Variants in CAPN2 observed in about 807,000 individuals in gnomAD.
The protein encoded by CAPN2 is calpain 2.
CAPN2 carries 92 observed loss-of-function variants against 102.3 expected under a neutral mutation model. That is an observed-to-expected ratio of 0.90 (90% CI 0.76 to 1.07). The LOEUF (loss-of-function observed/expected upper bound fraction) is 1.07, where lower values mean the gene tolerates loss of function less well. Ranked by LOEUF, CAPN2 falls within the 50% of genes least tolerant of loss-of-function variation. The probability of loss-of-function intolerance (pLI) is 0.00; values close to 1 mark genes in which losing one functional copy is unlikely to be tolerated. For missense variants in CAPN2, 800 were observed against 909.4 expected (o/e 0.88, Z 1.55); for synonymous variants, 340 against 355.4 (o/e 0.96, Z 0.49).
chr1:223,727,847 G>C lies in CAPN2; in HGVS notation c.307+10016G>C, dbSNP rs1408837613. On this transcript the variant is annotated intron_variant, in intron 2 of 20. Coordinates refer to ENST00000295006, the MANE Select transcript of CAPN2 (RefSeq NM_001748.5). The surrounding 1 kb of genome is among the most constrained non-coding windows in gnomAD (Gnocchi z 4.1). ...CTGCTTCTTGGAGAATGGTTCCACT[G>C]GCAGGCCATTCCGTCTGCTCAGCTT... Among the ~76,000 whole-genome samples, 1 of 152,134 alleles carries C rather than the reference G, an allele frequency of 6.6e-6. No homozygotes were observed. Among genetic ancestry groups the C allele is most frequent in the East Asian group, 1.9e-4 (1 of 5,178 alleles).
Position 223,755,046 on chromosome 1 carries a change from C to T in CAPN2, c.1136-434C>T, listed in dbSNP as rs1024980165. The stretch of plus-strand genomic sequence containing the variant: ...AATTTAGGTTCCTGTTAGATTCAGA[C>T]AAGTGCAGGTCATCCTCTCTCCACA... On this transcript the variant is annotated intron_variant, in intron 9 of 20. Transcript: ENST00000295006. The surrounding 1 kb of genome is among the most constrained non-coding windows in gnomAD (Gnocchi z 4.1). Among the ~76,000 whole-genome samples, 42 of 152,284 alleles carry T rather than the reference C, an allele frequency of 2.8e-4. No individual in the cohort carries two copies. Among genetic ancestry groups the T allele is most frequent in the African/African-American group, 1.0e-3 (42 of 41,554 alleles).
At chr1:223,772,084 A>T in intron 19 of CAPN2, 97 bp from the exon 20 acceptor site, 1 of 1,217,254 alleles carries the variant, frequency 8.2e-7, no homozygotes, top group Admixed American at 1.7e-5. Flanking sequence ...GAAAGCATGT[A>T]TGGTGGTCAG....
chr1:223,762,014 C>T (rs201217922), intron 13 of CAPN2, among the ~76,000 whole-genome samples, 172 bp from the exon 14 acceptor site: 90 of 151,958 alleles, frequency 5.9e-4, no homozygotes, highest in African/African-American at 1.8e-3. Flanking sequence ...AAAAAAAAAC[C>T]TTATATTAAT....
chr1:223,735,219 A>G (rs1201664507), intron 2 of CAPN2, among the ~76,000 whole-genome samples: 19 of 152,168 alleles, frequency 1.2e-4, no homozygotes, highest in Admixed American at 1.2e-3. Context: ...TTAAGTGGCC[A>G]GATCAGGACC....
chr1:223,757,233 A>G (rs1226249283), intron 10 of CAPN2, 136 bp from the exon 11 acceptor site: 1 of 978,220 alleles, frequency 1.0e-6, no homozygotes, highest in African/African-American at 1.6e-5. Context: ...GTTCCTTGGA[A>G]AACAGTTACT....
At chr1:223,738,584 TG>T (rs2102790909) in intron 2 of CAPN2, among the ~76,000 whole-genome samples, 1 of 152,262 alleles carries the variant, frequency 6.6e-6, no homozygotes, top group South Asian at 2.1e-4. Flanking sequence ...TTTTTTTAAA[TG>T]GGGTAAATGA....
intron 16 of CAPN2, 63 bp downstream of exon 16, chr1:223,766,494 A>G: frequency 6.5e-6 from 8 of 1,227,784 alleles, no homozygotes; most frequent in Non-Finnish European, 7.2e-6. Context: ...CTCCAGAAAG[A>G]TTCAAACACA....
At position 223,745,368 on chromosome 1, in the gene CAPN2, G is replaced by A. The variant is rs1222806004; in HGVS notation, c.489G>A (p.Gly163=). ...VVDDRLPTKD[G]ELLFVHSAEG... ...ATGACAGGCTGCCCACCAAGGACGG[G>A]GAGCTGCTCTTTGTGCATTCAGCCG... The change falls in exon 4 of 21, where the codon GGG becomes GGA. Residue 163 remains glycine (G), a synonymous_variant. Coordinates refer to ENST00000295006, the MANE Select transcript of CAPN2 (RefSeq NM_001748.5). 2 of 1,614,216 alleles carry A rather than the reference G, an allele frequency of 1.2e-6. No homozygotes were observed. The highest frequency in any genetic ancestry group is 1.7e-5 in the Admixed American group (1 of 60,032).
At chr1:223,758,844 C>T (rs1027964263) in intron 11 of CAPN2, 4 of 251,328 alleles carry the variant, frequency 1.6e-5, no homozygotes, top group South Asian at 1.0e-4. Context: ...AGGCGCTTGC[C>T]GCCACCCCTG....
chr1:223,771,919 C>CCAAA lies in CAPN2; in HGVS notation c.2014_2015insCAAA (p.Leu672ProfsTer7), dbSNP rs755672572. ...TCGGTGTTTGGTTCGGCTGGAAACG[C>CCAAA]TATTCAGTAAGTGGATATTTGGGGA... On this transcript the variant is annotated frameshift_variant, in exon 19 of 21. Coordinates refer to ENST00000295006, the MANE Select transcript of CAPN2 (RefSeq NM_001748.5). LOFTEE classifies it high-confidence loss of function. The CCAAA allele has an allele frequency of 4.4e-6, 7 of 1,605,798 alleles. No individual in the cohort carries two copies. Among genetic ancestry groups the CCAAA allele is most frequent in the Non-Finnish European group, 6.0e-6 (7 of 1,172,504 alleles).
At chr1:223,723,784 T>A (rs575492561) in intron 2 of CAPN2, among the ~76,000 whole-genome samples, 165 of 151,760 alleles carry the variant, frequency 1.1e-3, no homozygotes, top group African/African-American at 3.8e-3. Flanking sequence ...CTACATCAGA[T>A]GCCTGAAGAA....
At chr1:223,733,027 C>T (rs988677227) in intron 2 of CAPN2, among the ~76,000 whole-genome samples, 1 of 152,144 alleles carries the variant, frequency 6.6e-6, no homozygotes, top group African/African-American at 2.4e-5. Flanking sequence ...TGGTATCCAG[C>T]GTGTTTTACT....
chr1:223,749,204 C>CCCG, intron 6 of CAPN2, 82 bp downstream of exon 6: 1 of 1,231,316 alleles, frequency 8.1e-7, no homozygotes, highest in Non-Finnish European at 1.2e-6. Flanking sequence ...TGCCCAGGGG[C>CCCG]CCGCGCGGCC....
chr1:223,702,428 A>G (rs1483673384), intron 1 of CAPN2, among the ~76,000 whole-genome samples: 1 of 152,162 alleles, frequency 6.6e-6, no homozygotes, highest in African/African-American at 2.4e-5. Context: ...CCCTGTCTAA[A>G]AAAACAAAAA....
intron 7 of CAPN2, 139 bp from the exon 8 acceptor site, chr1:223,751,858 A>AT: frequency 1.5e-6 from 1 of 649,460 alleles, no homozygotes; most frequent in Non-Finnish European, 2.8e-6. Flanking sequence ...TGCAGCTGTT[A>AT]GCCAGATGTG....
chr1:223,744,126 G>T lies in CAPN2; in HGVS notation c.334G>T (p.Ala112Ser). The T allele has an allele frequency of 6.2e-7, 1 of 1,614,020 alleles. No individual in the cohort carries two copies. The highest frequency in any genetic ancestry group is 8.5e-7 in the Non-Finnish European group (1 of 1,179,872). Residue 112 changes from alanine to serine, a missense_variant, in exon 3 of 21, where the codon GCC becomes TCC. Ala to Ser is a moderately conservative substitution (Grantham distance 99). Transcript: ENST00000295006. The stretch of plus-strand genomic sequence containing the variant: ...TGACTGCTGGCTGCTGGCAGCCATT[G>T]CCTCCCTCACCTTGAATGAAGAAAT... ...LGDCWLLAAI[A>S]SLTLNEEILA... is the part of the protein sequence containing the mutation.
rs1007157069 is a variant in CAPN2 at position 223,725,209 on chromosome 1, A to C, written c.307+7378A>C. Among the ~76,000 whole-genome samples the C allele has an allele frequency of 6.6e-6, 1 of 151,982 alleles. No individual in the cohort carries two copies. The highest frequency in any genetic ancestry group is 2.4e-5 in the African/African-American group (1 of 41,372). ...AACACGGTGAAAACCCATCTCTACA[A>C]AACTACAATATGAAATACAAACAAT... On this transcript the variant is annotated intron_variant, in intron 2 of 20. Coordinates refer to ENST00000295006, the MANE Select transcript of CAPN2 (RefSeq NM_001748.5). This position sits in a 1 kb window ranked among gnomAD's most constrained non-coding sequence, Gnocchi z 4.1.
chr1:223,735,952 G>A (rs988045254), intron 2 of CAPN2, among the ~76,000 whole-genome samples: 1 of 152,116 alleles, frequency 6.6e-6, no homozygotes. Context: ...GCTAATTTTT[G>A]TATCTTTAGT....
chr1:223,771,996 T>C, intron 19 of CAPN2, 71 bp downstream of exon 19: 1 of 1,191,000 alleles, frequency 8.4e-7, no homozygotes, highest in Non-Finnish European at 1.3e-6. Flanking sequence ...TTCACCTCGG[T>C]GAAATCATCT....
Sources: allele counts gnomAD v4.1 joint callset (sites outside exome capture counted in the v4.1 genomes callset), GRCh38; gene constraint gnomAD v4.1.1; non-coding constraint Gnocchi (gnomAD v3.1); transcripts MANE v1.5; gene names NCBI Gene and HGNC (gene_info 2026-07-23, HGNC 2026-07-21).